The following ZFAND3 variants were observed in gnomAD, a reference collection of about 807,000 sequenced individuals.
The protein encoded by ZFAND3 is zinc finger AN1-type containing 3, also known as AN1-type zinc finger protein 3.
Under a neutral mutation model 29.6 loss-of-function variants are expected in ZFAND3, and 10 were observed. That is an observed-to-expected ratio of 0.34 (90% confidence interval 0.21 to 0.57). The LOEUF is 0.57. ZFAND3 is among the 20% of genes least tolerant of loss of function. ZFAND3 has a pLI of 0.86. For missense variants in ZFAND3, 230 were observed against 304.5 expected, an observed-to-expected ratio of 0.76 and a Z score of 1.82; for synonymous variants, 128 against 112.6, an observed-to-expected ratio of 1.14 and a Z score of -0.87.
In ZFAND3 at chr6:38,154,183, T is replaced by G; in HGVS notation, c.*1794T>G. On this transcript the variant is annotated 3_prime_UTR_variant, in exon 6 of 6. Transcript: ENST00000287218. ...CAGCCCTTGGCCACCATACGGGCCA[T>G]CCTCAGTGAGGCAGCCCCCCATAGG... The G allele has an allele frequency of 1.0e-6, 1 of 985,608 alleles. No homozygotes were observed. The highest frequency in any genetic ancestry group is 1.2e-6 in the Non-Finnish European group (1 of 830,036). 61.1% of individuals were successfully genotyped at this position (985,608 alleles called of 1,614,324 possible). A position where few individuals can be genotyped will look rare whatever the true frequency, so the allele number is the denominator to read the frequency against.
At chr6:37,948,602 A>C (rs1581784805) in intron 2 of ZFAND3, among the ~76,000 whole-genome samples, 1 of 151,948 alleles carries the variant, frequency 6.6e-6, no homozygotes, top group African/African-American at 2.4e-5. Flanking sequence ...TTTGATCCTC[A>C]CCCTCCTTCC....
intron 5 of ZFAND3, among the ~76,000 whole-genome samples, chr6:38,146,148 A>G (rs1197492369): frequency 1.4e-5 from 2 of 143,502 alleles, no homozygotes; most frequent in African/African-American, 5.2e-5. Flanking sequence ...CTCTTCTTCC[A>G]TTCCTGTTCC....
chr6:38,147,769 T>C (rs879199399), intron 5 of ZFAND3, among the ~76,000 whole-genome samples: 1 of 152,244 alleles, frequency 6.6e-6, no homozygotes, highest in Admixed American at 6.5e-5. Flanking sequence ...ACTGTACATC[T>C]TCTTTTGATA....
intron 1 of ZFAND3, among the ~76,000 whole-genome samples, chr6:37,847,754 A>G (rs1323673126): frequency 2.6e-5 from 4 of 152,208 alleles, no homozygotes; most frequent in East Asian, 3.8e-4. Context: ...AGATCTGGCC[A>G]GTGAATTCAG....
intron 1 of ZFAND3, among the ~76,000 whole-genome samples, chr6:37,859,338 A>T (rs994811731): frequency 2.0e-5 from 3 of 152,112 alleles, no homozygotes; most frequent in Non-Finnish European, 4.4e-5. Context: ...CTTTTGCTTA[A>T]ATTTTATTTC....
At chr6:37,871,258 G>A (rs1764690599) in intron 1 of ZFAND3, among the ~76,000 whole-genome samples, 1 of 152,120 alleles carries the variant, frequency 6.6e-6, no homozygotes, top group African/African-American at 2.4e-5. Flanking sequence ...TGTATCCAGT[G>A]AATGTTCTTA....
chr6:38,070,172 C>A (rs912591451), intron 3 of ZFAND3, among the ~76,000 whole-genome samples: 1 of 152,098 alleles, frequency 6.6e-6, no homozygotes, highest in African/African-American at 2.4e-5. Flanking sequence ...CGCCTGTAAT[C>A]CCAGCACTTT....
intron 1 of ZFAND3, among the ~76,000 whole-genome samples, chr6:37,881,738 T>G (rs777589981): frequency 6.6e-6 from 1 of 152,118 alleles, no homozygotes; most frequent in South Asian, 2.1e-4. Context: ...TTTTTGTTCC[T>G]TGCTCCTTAG....
At chr6:38,011,914 A>G (rs959001310) in intron 2 of ZFAND3, among the ~76,000 whole-genome samples, 3 of 152,244 alleles carry the variant, frequency 2.0e-5, no homozygotes, top group Non-Finnish European at 4.4e-5. Context: ...ATACGTAGCT[A>G]TATTTCTTGT....
At chr6:37,923,892 G>A (rs1343076294) in intron 1 of ZFAND3, among the ~76,000 whole-genome samples, 2 of 152,022 alleles carry the variant, frequency 1.3e-5, no homozygotes, top group East Asian at 3.8e-4. Context: ...AACCAATACT[G>A]TAAATATAAT....
chr6:38,083,019 G>A (rs2127471193), intron 4 of ZFAND3, among the ~76,000 whole-genome samples: 1 of 152,244 alleles, frequency 6.6e-6, no homozygotes, highest in Non-Finnish European at 1.5e-5. Context: ...AATGCCCATT[G>A]TTGCCTTCGC....
At chr6:37,849,135 G>C (rs1764235690) in intron 1 of ZFAND3, among the ~76,000 whole-genome samples, 2 of 152,196 alleles carry the variant, frequency 1.3e-5, no homozygotes, top group South Asian at 4.1e-4. Flanking sequence ...CTATATTCCT[G>C]CTGCTCATCA....
Position 38,082,156 on chromosome 6 carries a change from TG to T in ZFAND3, c.296-235del, listed in dbSNP as rs747053723. Among the ~76,000 whole-genome samples the T allele has an allele frequency of 3.4e-5, 5 of 147,496 alleles. No individual in the cohort carries two copies. The East Asian group carries it at 8.1e-4, about 24-fold the overall frequency. ...GAGACTCGGCTGTTTTTTTTTTTTTTGTGTGTGAAAAGCATGTTAGAATGTA... is the reference window on the plus strand; with the variant it reads ...GAGACTCGGCTGTTTTTTTTTTTTTTTGTGTGAAAAGCATGTTAGAATGTA... On this transcript the variant is annotated intron_variant, in intron 3 of 5. Transcript: ENST00000287218.
intron 3 of ZFAND3, among the ~76,000 whole-genome samples, chr6:38,064,571 A>G (rs1764304809): frequency 6.6e-6 from 1 of 152,056 alleles, no homozygotes; most frequent in Non-Finnish European, 1.5e-5. Context: ...TGTGGGCAAG[A>G]GGAATGCTTT....
chr6:38,125,709 CTTT>C (rs1363861167), intron 5 of ZFAND3, among the ~76,000 whole-genome samples: 1 of 152,050 alleles, frequency 6.6e-6, no homozygotes, highest in East Asian at 1.9e-4. Context: ...CTTAGAATAC[CTTT>C]TTTTATGGGG....
chr6:37,944,645 G>T (rs1761869822), intron 2 of ZFAND3, among the ~76,000 whole-genome samples: 1 of 152,224 alleles, frequency 6.6e-6, no homozygotes, highest in South Asian at 2.1e-4. Context: ...TATATCACGT[G>T]GAGAAAGGTG....
intron 1 of ZFAND3, among the ~76,000 whole-genome samples, chr6:37,885,566 C>T (rs908812120): frequency 1.3e-5 from 2 of 152,094 alleles, no homozygotes; most frequent in Non-Finnish European, 2.9e-5. Context: ...ATTGCTTGAG[C>T]CTGGGAGGCG....
intron 4 of ZFAND3, among the ~76,000 whole-genome samples, chr6:38,113,799 C>T (rs976170313): frequency 6.6e-6 from 1 of 152,072 alleles, no homozygotes; most frequent in African/African-American, 2.4e-5. Context: ...TTTATTTTTT[C>T]CCCCGGCTTC....
At chr6:37,885,022 T>A (rs1764964253) in intron 1 of ZFAND3, among the ~76,000 whole-genome samples, 1 of 152,210 alleles carries the variant, frequency 6.6e-6, no homozygotes. Context: ...AATCTAGTTT[T>A]CGAGCCTCTT....
Sources: gnomAD v4.1 joint callset for allele counts (sites outside exome capture counted in the v4.1 genomes callset) on GRCh38, gnomAD v4.1.1 for gene constraint, MANE v1.5 for transcripts, NCBI Gene and HGNC (gene_info 2026-07-23, HGNC 2026-07-21) for gene names.